Variants in GPHN observed in about 807,000 individuals in gnomAD.
GPHN encodes gephyrin.
GPHN carries 17 observed loss-of-function variants against 95.5 expected under a neutral mutation model. The observed-to-expected ratio is 0.18, with a 90% CI of 0.12 to 0.27. GPHN has a LOEUF of 0.27. Ranked by LOEUF, GPHN falls within the 10% of genes least tolerant of loss-of-function variation. The pLI is 1.00. For synonymous variants in GPHN, 320 were observed against 322.5 expected, an observed-to-expected ratio of 0.99 and a Z score of 0.08; for missense variants, 660 against 978.1, an observed-to-expected ratio of 0.67 and a Z score of 4.34.
At chr14:66,937,209 G>A (rs773869666) in intron 8 of GPHN, among the ~76,000 whole-genome samples, 4 of 152,006 alleles carry the variant, frequency 2.6e-5, no homozygotes, top group Non-Finnish European at 5.9e-5. Context: ...TCATCATGTT[G>A]CCCAGGCTAG....
chr14:67,602,411 G>C, the GPHN span, among the ~76,000 whole-genome samples: 1 of 152,186 alleles, frequency 6.6e-6, no homozygotes. Flanking sequence ...TAGGCACAGA[G>C]AGCCGAACCA....
chr14:67,205,351 C>T, the GPHN span, among the ~76,000 whole-genome samples: 16 of 152,154 alleles, frequency 1.1e-4, no homozygotes, highest in African/African-American at 3.9e-4. Flanking sequence ...GAATCAGAAT[C>T]AGAACCAAGT....
the GPHN span, chr14:67,395,640 G>A: frequency 6.5e-7 from 1 of 1,538,756 alleles, no homozygotes; most frequent in Non-Finnish European, 8.9e-7. Flanking sequence ...AGGACGCCGG[G>A]CAGCAAAAAT....
chr14:67,547,593 G>A, the GPHN span, among the ~76,000 whole-genome samples: 360 of 152,226 alleles, frequency 2.4e-3, 2 homozygotes, highest in Admixed American at 3.6e-3. Context: ...CTGGCCCTGG[G>A]ACATTACATG....
chr14:67,726,955 A>G, the GPHN span: 4 of 1,605,872 alleles, frequency 2.5e-6, 1 homozygote, highest in South Asian at 3.3e-5. Context: ...TCCACTTTCA[A>G]TCTTCCCTGC....
At chr14:66,522,217 C>G (rs1454547700) in intron 1 of GPHN, among the ~76,000 whole-genome samples, 2 of 152,104 alleles carry the variant, frequency 1.3e-5, no homozygotes, top group Non-Finnish European at 2.9e-5. Context: ...AATAGTAATA[C>G]ACACATAATT....
At chr14:66,766,916 T>G (rs2058979529) in intron 2 of GPHN, among the ~76,000 whole-genome samples, 1 of 152,024 alleles carries the variant, frequency 6.6e-6, no homozygotes, top group African/African-American at 2.4e-5. Flanking sequence ...TTTTCTTTCC[T>G]AAGTCCATTA....
the GPHN span, chr14:67,578,466 T>C: frequency 8.8e-6 from 10 of 1,131,436 alleles, no homozygotes; most frequent in South Asian, 7.9e-5. This position sits in a 1 kb window ranked among gnomAD's most constrained non-coding sequence, Gnocchi z 5.0. Context: ...GCTCTGTAGC[T>C]CAGGGCTATG....
the GPHN span, among the ~76,000 whole-genome samples, chr14:67,435,522 G>C: frequency 6.6e-6 from 1 of 152,176 alleles, no homozygotes; most frequent in African/African-American, 2.4e-5. Context: ...GCCACAACAG[G>C]GTATGGCGGC....
At chr14:67,480,612 T>A in the GPHN span, among the ~76,000 whole-genome samples, 52 of 152,182 alleles carry the variant, frequency 3.4e-4, no homozygotes, top group Non-Finnish European at 6.3e-4. Flanking sequence ...AGCACAGGGA[T>A]GTGGAGACCT....
chr14:66,596,728 C>T (rs1016674722), intron 1 of GPHN, among the ~76,000 whole-genome samples: 1 of 152,204 alleles, frequency 6.6e-6, no homozygotes, highest in Admixed American at 6.5e-5. Context: ...GCAGGGCTTC[C>T]TGGGTCCCCA....
the GPHN span, among the ~76,000 whole-genome samples, chr14:67,630,950 G>A: frequency 4.6e-5 from 7 of 152,084 alleles, no homozygotes; most frequent in Admixed American, 2.0e-4. Flanking sequence ...TTTTCTTTCC[G>A]GAAAAAGGGA....
chr14:67,646,094 C>A, the GPHN span, among the ~76,000 whole-genome samples: 1 of 152,346 alleles, frequency 6.6e-6, no homozygotes, highest in East Asian at 1.9e-4. Context: ...CTCAGACACA[C>A]TGATCTAGAA....
the GPHN span, chr14:67,659,735 T>C: frequency 2.5e-6 from 4 of 1,596,622 alleles, no homozygotes; most frequent in Admixed American, 1.8e-5. Context: ...ACTTACCATA[T>C]GCTCATTCTC....
Position 66,965,077 on chromosome 14 carries a change from G to A in GPHN, c.829-114G>A, listed in dbSNP as rs192791269. The A allele has an allele frequency of 5.9e-5, 50 of 847,864 alleles. No homozygotes were observed. In the African/African-American group the frequency reaches 6.6e-4, roughly 11 times the overall value. The allele number at this position is 847,864 out of a possible 1,614,324, so 52.5% of individuals were successfully genotyped here. On this transcript the variant is annotated intron_variant, in intron 8 of 22. Coordinates refer to ENST00000478722, the MANE Select transcript of GPHN (RefSeq NM_020806.5). Reference sequence around the variant, plus strand: ...GATGCATTTATACCTAACAGTAAGTGACACCAAATATGTCAGAGCTGAGCA... The same window carrying A: ...GATGCATTTATACCTAACAGTAAGTAACACCAAATATGTCAGAGCTGAGCA...
chr14:67,734,869 T>C, the GPHN span, among the ~76,000 whole-genome samples: 1 of 152,304 alleles, frequency 6.6e-6, no homozygotes, highest in Admixed American at 6.5e-5. Flanking sequence ...GAATGCATCA[T>C]TTCCTGCCGC....
At chr14:66,814,647 GA>G (rs919420285) in intron 3 of GPHN, among the ~76,000 whole-genome samples, 3 of 151,804 alleles carry the variant, frequency 2.0e-5, no homozygotes, top group African/African-American at 7.3e-5. Context: ...TAGGATAAAA[GA>G]AAAAAAATCC....
chr14:67,572,275 G>A, the GPHN span: 33 of 1,593,884 alleles, frequency 2.1e-5, no homozygotes, highest in African/African-American at 2.0e-4. Flanking sequence ...GGGCCTGGGC[G>A]GGGTGAGCCG....
At position 67,058,660 on chromosome 14, in the gene GPHN, G is replaced by A. The variant is rs2153649177; in HGVS notation, c.1018G>A (p.Val340Ile). 5 of 1,613,164 alleles carry A rather than the reference G, an allele frequency of 3.1e-6. No individual in the cohort carries two copies. The highest frequency in any genetic ancestry group is 1.1e-5 in the South Asian group (1 of 91,072). The change falls in exon 11 of 23, where the codon GTC becomes ATC. Residue 340 changes from valine (V) to isoleucine (I), a missense_variant. This residue lies in a region of GPHN where 190 missense variants were observed against 224.7 expected (regional missense o/e 0.85). Coordinates refer to ENST00000478722, the MANE Select transcript of GPHN (RefSeq NM_020806.5). ...ENILRASHSAVDITKVARRHR... is the reference protein window; with the variant it reads ...ENILRASHSAIDITKVARRHR... ...ATCTTACTGTTTAGGTCACAGTGCTGTCGATATCACCAAGGTGGCTAGAAG... is the reference window on the plus strand; with the variant it reads ...ATCTTACTGTTTAGGTCACAGTGCTATCGATATCACCAAGGTGGCTAGAAG...
Sources: allele counts gnomAD v4.1 joint callset (sites outside exome capture counted in the v4.1 genomes callset), GRCh38; gene constraint gnomAD v4.1.1; regional missense constraint gnomAD v4.1.1; non-coding constraint Gnocchi (gnomAD v3.1); transcripts MANE v1.5; gene names NCBI Gene and HGNC (gene_info 2026-07-23, HGNC 2026-07-21).